EPHA6: variants seen among roughly 807,000 people sequenced by gnomAD.
The protein encoded by EPHA6 is ephrin type-A receptor 6.
Under a neutral mutation model 112.0 loss-of-function variants are expected in EPHA6, and 50 were observed. That is an observed-to-expected ratio of 0.45 (90% confidence interval 0.36 to 0.56). The LOEUF (loss-of-function observed/expected upper bound fraction) is 0.56. EPHA6 is among the 20% of genes least tolerant of loss of function. EPHA6 has a pLI of 0.00. For synonymous variants in EPHA6, 529 were observed against 490.7 expected, an observed-to-expected ratio of 1.08 and a Z score of -1.03; for missense variants, 1,280 against 1,417.4, an observed-to-expected ratio of 0.90 and a Z score of 1.56.
chr3:97,524,666 G>C (rs1157708185), intron 10 of EPHA6, among the ~76,000 whole-genome samples: 1 of 152,044 alleles, frequency 6.6e-6, no homozygotes, highest in Non-Finnish European at 1.5e-5. Flanking sequence ...CCAGTCCCAT[G>C]ATGATGGATT....
intron 3 of EPHA6, among the ~76,000 whole-genome samples, chr3:97,112,511 G>A (rs1205580998): frequency 6.6e-6 from 1 of 152,120 alleles, no homozygotes; most frequent in Non-Finnish European, 1.5e-5. Context: ...AGTTTACTTA[G>A]GGTTTAAAAA....
intron 1 of EPHA6, among the ~76,000 whole-genome samples, chr3:96,829,443 G>A (rs72931351): frequency 0.013 from 2,022 of 152,136 alleles, 49 homozygotes; most frequent in African/African-American, 0.045. Context: ...AAAAATATGT[G>A]CTCTCCCTCA....
intron 2 of EPHA6, among the ~76,000 whole-genome samples, chr3:96,957,352 A>G (rs1343568061): frequency 1.3e-5 from 2 of 152,224 alleles, no homozygotes; most frequent in Non-Finnish European, 2.9e-5. Context: ...GACGTTCTCA[A>G]TTTAATTTTT....
intron 13 of EPHA6, chr3:97,612,320 A>T: frequency 2.7e-6 from 1 of 367,536 alleles, no homozygotes; most frequent in East Asian, 7.3e-5. Context: ...TCATCATCTA[A>T]TGATGCTTGG....
chr3:97,471,424 T>C (rs1038708731), intron 7 of EPHA6, among the ~76,000 whole-genome samples: 1 of 151,768 alleles, frequency 6.6e-6, no homozygotes, highest in Non-Finnish European at 1.5e-5. Flanking sequence ...CATCACTGTA[T>C]ACCCTGTGTC....
intron 11 of EPHA6, among the ~76,000 whole-genome samples, chr3:97,580,846 A>T (rs1190078871): frequency 6.6e-6 from 1 of 152,174 alleles, no homozygotes; most frequent in East Asian, 1.9e-4. Flanking sequence ...GTTACTTGAA[A>T]CTGTATAATG....
At chr3:97,232,787 G>A (rs1182654780) in intron 4 of EPHA6, among the ~76,000 whole-genome samples, 1 of 152,110 alleles carries the variant, frequency 6.6e-6, no homozygotes, top group Non-Finnish European at 1.5e-5. Context: ...ATATACATTG[G>A]CATGGTTCCA....
intron 2 of EPHA6, among the ~76,000 whole-genome samples, chr3:96,874,199 A>G (rs769410870): frequency 6.6e-5 from 10 of 152,268 alleles, no homozygotes; most frequent in South Asian, 2.1e-4. Context: ...GATTTTGTTT[A>G]AAAGGATACA....
rs148159044 is a variant in EPHA6 at position 96,991,655 on chromosome 3, G to A, written c.1114+3662G>A. ...GGATTCTCCTGATTAATGTCCCTTCGTCATGCACAAAATCCCACACCCTCC... is the reference window on the plus strand; with the variant it reads ...GGATTCTCCTGATTAATGTCCCTTCATCATGCACAAAATCCCACACCCTCC... On this transcript the variant is annotated intron_variant, in intron 3 of 17. Coordinates refer to ENST00000389672, the MANE Select transcript of EPHA6 (RefSeq NM_001080448.3). 3.3e-3 allele frequency among the ~76,000 whole-genome samples: 500 copies of A among 152,070 alleles called. 3 individuals carry two copies. The highest frequency in any genetic ancestry group is 5.9e-3 in the Non-Finnish European group (402 of 67,988).
At chr3:96,906,381 C>A (rs1341941131) in intron 2 of EPHA6, among the ~76,000 whole-genome samples, 1 of 151,944 alleles carries the variant, frequency 6.6e-6, no homozygotes, top group East Asian at 1.9e-4. Flanking sequence ...TTTTGTCTTC[C>A]CTGGTTCTCA....
rs149331474 is a variant in EPHA6 at position 97,123,899 on chromosome 3, G to C, written c.1115-102365G>C. Among the ~76,000 whole-genome samples the C allele has an allele frequency of 9.9e-5, 15 of 152,134 alleles. No homozygotes were observed. The East Asian group carries it at 2.9e-3, about 29-fold the overall frequency. On this transcript the variant is annotated intron_variant, in intron 3 of 17. Coordinates refer to ENST00000389672, the MANE Select transcript of EPHA6 (RefSeq NM_001080448.3). Reference sequence around the variant, plus strand: ...GTTTAGCTGCATACATTGTCACAGAGAGGGAGAGACAGAGAGAGAGAGAGA... The same window carrying C: ...GTTTAGCTGCATACATTGTCACAGACAGGGAGAGACAGAGAGAGAGAGAGA...
chr3:96,933,968 A>C lies in EPHA6; in HGVS notation c.451-53362A>C, dbSNP rs116028662. Among the ~76,000 whole-genome samples the C allele has an allele frequency of 9.4e-3, 1,436 of 152,116 alleles. 15 individuals carry two copies. Among genetic ancestry groups the C allele is most frequent in the Middle Eastern group, 0.017 (5 of 294 alleles). ...TCAATTTTTATAACAATTGATGAAA[A>C]AGGCTCTGAAGTGATTTGAGGTGAT... On this transcript the variant is annotated intron_variant, in intron 2 of 17. Coordinates refer to ENST00000389672, the MANE Select transcript of EPHA6 (RefSeq NM_001080448.3).
In EPHA6 at chr3:97,060,757, A is replaced by G. The variant is rs576008411; in HGVS notation, c.1114+72764A>G. ...AAACCCTGTCTCTACTAAAAATACA[A>G]AAAAAAAATAATAATAATTAGCCGG... On this transcript the variant is annotated intron_variant, in intron 3 of 17. Coordinates refer to ENST00000389672, the MANE Select transcript of EPHA6 (RefSeq NM_001080448.3). Among the ~76,000 whole-genome samples, 3 of 149,870 alleles carry G rather than the reference A, an allele frequency of 2.0e-5. No homozygotes were observed. In the East Asian group the frequency reaches 5.9e-4, roughly 29 times the overall value.
chr3:97,419,326 C>T (rs2088411395), intron 6 of EPHA6, among the ~76,000 whole-genome samples: 1 of 150,092 alleles, frequency 6.7e-6, no homozygotes, highest in Non-Finnish European at 1.5e-5. Flanking sequence ...AACAAACAAA[C>T]AAACAAAACA....
chr3:97,170,547 G>A (rs2076670480), intron 3 of EPHA6, among the ~76,000 whole-genome samples: 1 of 152,046 alleles, frequency 6.6e-6, no homozygotes, highest in African/African-American at 2.4e-5. Context: ...GACCAGCATG[G>A]CTACTGTGGC....
intron 10 of EPHA6, among the ~76,000 whole-genome samples, chr3:97,492,942 T>C (rs1228776942): frequency 6.6e-6 from 1 of 151,750 alleles, no homozygotes; most frequent in African/African-American, 2.4e-5. Context: ...ATCTTTATTA[T>C]ATCTAATTTC....
intron 3 of EPHA6, among the ~76,000 whole-genome samples, chr3:97,117,354 T>C (rs2108295586): frequency 6.6e-6 from 1 of 151,916 alleles, no homozygotes; most frequent in Admixed American, 6.6e-5. Context: ...CTATTTTTGC[T>C]TTTGTCTTTT....
intron 3 of EPHA6, among the ~76,000 whole-genome samples, chr3:97,050,558 A>AATAT (rs1382244781): frequency 6.6e-6 from 1 of 152,150 alleles, no homozygotes; most frequent in African/African-American, 2.4e-5. Context: ...ATACTGATAA[A>AATAT]CTAAAATGGA....
At position 97,327,044 on chromosome 3, in the gene EPHA6, A is replaced by G. The variant is rs550588287; in HGVS notation, c.1607-78106A>G. Among the ~76,000 whole-genome samples the G allele has an allele frequency of 1.7e-4, 26 of 152,170 alleles. No individual in the cohort carries two copies. The East Asian group carries it at 4.3e-3, about 25-fold the overall frequency. ...TGTGAACAAATCTTTTGCCAATGAAACCACAAGTCTGTTTTATGAGGGAGG... is the reference window on the plus strand; with the variant it reads ...TGTGAACAAATCTTTTGCCAATGAAGCCACAAGTCTGTTTTATGAGGGAGG... On this transcript the variant is annotated intron_variant, in intron 5 of 17. Coordinates refer to ENST00000389672, the MANE Select transcript of EPHA6 (RefSeq NM_001080448.3).
Sources: allele counts gnomAD v4.1 joint callset (sites outside exome capture counted in the v4.1 genomes callset), GRCh38; gene constraint gnomAD v4.1.1; transcripts MANE v1.5; gene names NCBI Gene and HGNC (gene_info 2026-07-23, HGNC 2026-07-21).